GSE1: variants seen among roughly 807,000 people sequenced by gnomAD.
GSE1 encodes Gse1 coiled-coil protein.
In GSE1, 32 loss-of-function variants were observed where a neutral mutation model predicts 112.6. That is an observed-to-expected ratio of 0.28 (90% CI 0.21 to 0.38). The LOEUF is 0.38. Ranked by LOEUF, GSE1 falls within the 10% of genes least tolerant of loss-of-function variation. The pLI is 1.00. For missense variants in GSE1, 2,348 were observed against 1,699.2 expected (o/e 1.38, Z -6.71); for synonymous variants, 1,115 against 735.6 (o/e 1.52, Z -8.35).
chr16:85,326,237 A>C (rs2046226245), intron 1 of GSE1, among the ~76,000 whole-genome samples: 1 of 151,932 alleles, frequency 6.6e-6, no homozygotes, highest in African/African-American at 2.4e-5. Context: ...AGGGTTAATG[A>C]GGAGGACTCT....
At chr16:85,617,608 C>A (rs1022590954) in intron 1 of GSE1, among the ~76,000 whole-genome samples, 15 of 115,382 alleles carry the variant, frequency 1.3e-4, no homozygotes, top group Admixed American at 2.3e-4. Context: ...CCCCCCCCCC[C>A]CCCGTTAACT....
At chr16:85,563,803 C>T (rs1418591153) in intron 1 of GSE1, among the ~76,000 whole-genome samples, 1 of 152,226 alleles carries the variant, frequency 6.6e-6, no homozygotes, top group Non-Finnish European at 1.5e-5. Flanking sequence ...TCCCTCCCTT[C>T]TCTGGATTTG....
intron 2 of GSE1, among the ~76,000 whole-genome samples, chr16:85,479,153 C>A (rs1171628280): frequency 6.9e-6 from 1 of 145,140 alleles, no homozygotes; most frequent in Admixed American, 7.0e-5. Context: ...TCCCAAGTAG[C>A]TGGGACTATA....
intron 1 of GSE1, among the ~76,000 whole-genome samples, chr16:85,216,510 G>C (rs2075309024): frequency 6.6e-6 from 1 of 152,208 alleles, no homozygotes; most frequent in Non-Finnish European, 1.5e-5. Context: ...TATTTTTTAA[G>C]TAGTCATAAG....
intron 1 of GSE1, among the ~76,000 whole-genome samples, chr16:85,291,117 C>G (rs1045821785): frequency 2.6e-5 from 4 of 152,242 alleles, no homozygotes; most frequent in African/African-American, 9.6e-5. Flanking sequence ...GAGGTTGGCA[C>G]TGTCATTATC....
chr16:85,439,943 C>T lies in GSE1; in HGVS notation c.2464+82300C>T, dbSNP rs2049338010. 2.0e-5 allele frequency among the ~76,000 whole-genome samples: 3 copies of T among 152,358 alleles called. No homozygotes were observed. In the South Asian group the frequency reaches 6.2e-4, roughly 32 times the overall value. Reference sequence around the variant, plus strand: ...GCATGCACACAGGCATACGCAGAGACACTCAGGTACACAGACACACATTAT... The same window carrying T: ...GCATGCACACAGGCATACGCAGAGATACTCAGGTACACAGACACACATTAT... On this transcript the variant is annotated intron_variant, in intron 2 of 2. Coordinates refer to the GSE1 transcript ENST00000637419.
At chr16:85,245,957 C>T (rs1422677000) in intron 1 of GSE1, among the ~76,000 whole-genome samples, 1 of 141,358 alleles carries the variant, frequency 7.1e-6, no homozygotes, top group African/African-American at 2.6e-5. Context: ...GGGAGCAGGG[C>T]GTGTGTGTGT....
At chr16:85,566,586 T>A (rs866705855) in intron 1 of GSE1, among the ~76,000 whole-genome samples, 3 of 152,188 alleles carry the variant, frequency 2.0e-5, no homozygotes, top group Admixed American at 1.3e-4. Context: ...GACTTCAGTG[T>A]CACCCTTAGT....
At chr16:85,194,552 C>G (rs566247884) in intron 1 of GSE1, among the ~76,000 whole-genome samples, 1 of 152,120 alleles carries the variant, frequency 6.6e-6, no homozygotes, top group East Asian at 1.9e-4. Flanking sequence ...GGGAGGTGAC[C>G]GTGGACCCTT....
chr16:85,661,618 C>T lies in GSE1; in HGVS notation c.2113C>T (p.Pro705Ser). 2.5e-6 allele frequency: 4 copies of T among 1,611,116 alleles called. No homozygotes were observed. Among genetic ancestry groups the T allele is most frequent in the South Asian group, 2.2e-5 (2 of 90,826 alleles). Reference protein sequence around the residue: ...QAATFGELSGPLKPGSPYRPP... With the variant: ...QAATFGELSGSLKPGSPYRPP... ...GGCCACCTTCGGGGAGCTCAGCGGA[C>T]CCCTGAAGCCTGGCTCGCCCTACCG... The change falls in exon 9 of 16, where the codon CCC becomes TCC. Residue 705 changes from proline to serine, a missense_variant. By Grantham distance (74) the Pro-to-Ser change is moderately conservative. Transcript: ENST00000253458.
At chr16:85,314,994 G>A (rs1429168966) in intron 1 of GSE1, among the ~76,000 whole-genome samples, 2 of 152,212 alleles carry the variant, frequency 1.3e-5, no homozygotes, top group African/African-American at 2.4e-5. Flanking sequence ...ACTGGTTAGT[G>A]TTTGCAATCA....
intron 1 of GSE1, among the ~76,000 whole-genome samples, chr16:85,240,289 G>A (rs1481375946): frequency 6.6e-6 from 1 of 152,200 alleles, no homozygotes; most frequent in African/African-American, 2.4e-5. Flanking sequence ...TCCCCAGCTG[G>A]AATCCCACAC....
chr16:85,420,493 A>G (rs1357668881), intron 2 of GSE1, among the ~76,000 whole-genome samples: 1 of 151,754 alleles, frequency 6.6e-6, no homozygotes, highest in East Asian at 1.9e-4. Context: ...CCCGCTGCGG[A>G]GGACCCTGGG....
At position 85,344,965 on chromosome 16, in the gene GSE1, C is replaced by T. The variant is rs552879663; in HGVS notation, c.2284-12498C>T. On this transcript the variant is annotated intron_variant, in intron 1 of 2. Coordinates refer to the GSE1 transcript ENST00000637419. ...CTGCCCTCACCGTGGCTCACAGGTT[C>T]GCCTCTTCTGTCAAGACTCAGCCGC... Among the ~76,000 whole-genome samples, 9 of 152,336 alleles carry T rather than the reference C, an allele frequency of 5.9e-5. No homozygotes were observed. The East Asian group carries it at 7.7e-4, about 13-fold the overall frequency.
At chr16:85,264,423 C>T (rs62049829) in intron 1 of GSE1, among the ~76,000 whole-genome samples, 1,789 of 152,114 alleles carry the variant, frequency 0.012, 16 homozygotes, top group Admixed American at 0.018. Context: ...GCCTCAACTC[C>T]GGGGAGCCCC....
At chr16:85,671,391 G>T (rs1279195128) in intron 15 of GSE1, among the ~76,000 whole-genome samples, 1 of 133,990 alleles carries the variant, frequency 7.5e-6, no homozygotes, top group East Asian at 2.3e-4. Flanking sequence ...AGTGAGCCGA[G>T]ATTGCGCCAC....
chr16:85,298,938 C>T (rs1429237011), intron 1 of GSE1, among the ~76,000 whole-genome samples: 2 of 152,168 alleles, frequency 1.3e-5, no homozygotes, highest in African/African-American at 2.4e-5. Context: ...CAAAGGCAGT[C>T]TGTGGCTGTC....
chr16:85,361,218 C>A (rs1953674280), intron 2 of GSE1, among the ~76,000 whole-genome samples: 2 of 136,998 alleles, frequency 1.5e-5, no homozygotes, highest in Admixed American at 7.6e-5. Flanking sequence ...CACACAGACG[C>A]ACACGGGGCA....
At chr16:85,596,382 C>T (rs1028462826) in intron 1 of GSE1, among the ~76,000 whole-genome samples, 6 of 152,180 alleles carry the variant, frequency 3.9e-5, no homozygotes, top group Non-Finnish European at 8.8e-5. Context: ...CAGAGAGACT[C>T]CCATGACAGC....
Sources: allele counts gnomAD v4.1 joint callset (sites outside exome capture counted in the v4.1 genomes callset), GRCh38; gene constraint gnomAD v4.1.1; transcripts MANE v1.5; gene names NCBI Gene and HGNC (gene_info 2026-07-23, HGNC 2026-07-21).